Variants in RAB38 observed in about 807,000 individuals in gnomAD.
RAB38 encodes the protein ras-related protein Rab-38.
A neutral mutation model predicts 18.4 loss-of-function variants in RAB38; 15 were observed. The observed-to-expected ratio is 0.82, with a 90% CI of 0.55 to 1.26. The LOEUF (loss-of-function observed/expected upper bound fraction) is 1.26. Among genes scored for constraint, RAB38 ranks in the 50% most tolerant of loss-of-function variants. The probability of loss-of-function intolerance (pLI) is 0.00; values close to 1 mark genes in which losing one functional copy is unlikely to be tolerated. For synonymous variants in RAB38, 101 were observed against 104.4 expected (o/e 0.97, Z 0.20); for missense variants, 294 against 267.4 (o/e 1.10, Z -0.69).
intron 2 of RAB38, among the ~76,000 whole-genome samples, chr11:88,120,654 G>T (rs35773677): frequency 6.6e-6 from 1 of 152,192 alleles, no homozygotes; most frequent in Non-Finnish European, 1.5e-5. Flanking sequence ...GAGCTCCTAA[G>T]ATTGTGTCCC....
At chr11:87,879,532 T>C in the RAB38 span, 1 of 151,468 alleles carries the variant, frequency 6.6e-6, no homozygotes, top group African/African-American at 2.4e-5. Flanking sequence ...TGGACTAGGG[T>C]TGTGGAGTGG....
chr11:88,043,303 T>C, the RAB38 span, among the ~76,000 whole-genome samples: 1 of 152,048 alleles, frequency 6.6e-6, no homozygotes. Context: ...ACAGGCAAAA[T>C]AAGGTGCTAA....
the RAB38 span, among the ~76,000 whole-genome samples, chr11:87,881,904 C>T: frequency 6.6e-6 from 1 of 151,818 alleles, no homozygotes; most frequent in African/African-American, 2.4e-5. Context: ...GAGCAAAGGG[C>T]TGGTTGGTGT....
the RAB38 span, among the ~76,000 whole-genome samples, chr11:88,073,701 C>G: frequency 6.6e-6 from 1 of 151,310 alleles, no homozygotes; most frequent in African/African-American, 2.4e-5. Flanking sequence ...CTGACCCTAA[C>G]AAGACAGTGA....
At chr11:88,060,149 G>A in the RAB38 span, 72,073 of 152,036 alleles carry the variant, frequency 0.47, 18,645 homozygotes, top group South Asian at 0.63. Context: ...GGAGACATGA[G>A]ATTTATTTTC....
chr11:87,850,050 A>T, the RAB38 span, among the ~76,000 whole-genome samples: 1 of 152,126 alleles, frequency 6.6e-6, no homozygotes, highest in Non-Finnish European at 1.5e-5. Context: ...ACTTCACTAT[A>T]AGTACACATA....
the RAB38 span, among the ~76,000 whole-genome samples, chr11:88,014,326 G>A: frequency 6.6e-6 from 1 of 151,994 alleles, no homozygotes; most frequent in African/African-American, 2.4e-5. Context: ...TGATATGCCT[G>A]GTCTCAACCC....
the RAB38 span, chr11:88,050,290 G>A: frequency 2.0e-5 from 3 of 152,146 alleles, no homozygotes; most frequent in African/African-American, 4.8e-5. Flanking sequence ...CTCAAAATAG[G>A]AAGGAAGAGG....
the RAB38 span, among the ~76,000 whole-genome samples, chr11:87,952,174 G>T: frequency 6.6e-6 from 1 of 152,056 alleles, no homozygotes; most frequent in Non-Finnish European, 1.5e-5. Flanking sequence ...CAGAGGAGCT[G>T]GGGGGTAGGG....
the RAB38 span, among the ~76,000 whole-genome samples, chr11:87,856,686 G>GCTT: frequency 2.0e-5 from 3 of 151,912 alleles, no homozygotes; most frequent in Non-Finnish European, 2.9e-5. Context: ...GAGAACCACT[G>GCTT]CTTCTTCTTC....
At chr11:88,044,913 C>G in the RAB38 span, among the ~76,000 whole-genome samples, 1 of 152,170 alleles carries the variant, frequency 6.6e-6, no homozygotes, top group East Asian at 1.9e-4. Flanking sequence ...CTCCCCTCCT[C>G]ACACCCGGTC....
chr11:87,868,608 A>AGAGAGAGAGAGAGAGAGAGAGAGAAG, the RAB38 span, among the ~76,000 whole-genome samples: 39 of 103,050 alleles, frequency 3.8e-4, no homozygotes, highest in East Asian at 1.7e-3. Context: ...AGAGAGAGAG[A>AGAGAGAGAGAGAGAGAGAGAGAGAAG]GAGAGAGAGA....
the RAB38 span, among the ~76,000 whole-genome samples, chr11:87,857,266 A>G: frequency 4.6e-5 from 7 of 152,252 alleles, no homozygotes; most frequent in Non-Finnish European, 1.0e-4. Flanking sequence ...TCTATCACTG[A>G]TGGACATTTG....
chr11:87,971,125 C>G, the RAB38 span, among the ~76,000 whole-genome samples: 2 of 152,006 alleles, frequency 1.3e-5, no homozygotes, highest in African/African-American at 4.8e-5. Flanking sequence ...AGTGATGATT[C>G]CTGCCTGATT....
the RAB38 span, among the ~76,000 whole-genome samples, chr11:88,091,869 C>T: frequency 2.0e-5 from 3 of 151,942 alleles, no homozygotes; most frequent in East Asian, 5.9e-4. Context: ...AATTTATGAG[C>T]TCTTGGCAAC....
chr11:87,876,698 C>T, the RAB38 span, among the ~76,000 whole-genome samples: 1 of 151,348 alleles, frequency 6.6e-6, no homozygotes, highest in Non-Finnish European at 1.5e-5. Flanking sequence ...AAAATTTTTT[C>T]TTAGAAGTCA....
chr11:87,905,031 A>G, the RAB38 span, among the ~76,000 whole-genome samples: 1 of 151,628 alleles, frequency 6.6e-6, no homozygotes, highest in Non-Finnish European at 1.5e-5. Flanking sequence ...ATATTTTACT[A>G]GTTGATATCG....
At chr11:87,878,222 T>TATATATACACACACAC in the RAB38 span, among the ~76,000 whole-genome samples, 31 of 116,206 alleles carry the variant, frequency 2.7e-4, 4 homozygotes, top group African/African-American at 1.1e-3. Flanking sequence ...TATATATATA[T>TATATATACACACACAC]ACACACATAT....
At chr11:87,893,026 A>C in the RAB38 span, among the ~76,000 whole-genome samples, 1 of 151,768 alleles carries the variant, frequency 6.6e-6, no homozygotes. Flanking sequence ...AAGACAATAA[A>C]TATAAAACAT....
Sources: allele counts gnomAD v4.1 joint callset (sites outside exome capture counted in the v4.1 genomes callset), GRCh38; gene constraint gnomAD v4.1.1; transcripts MANE v1.5; gene names NCBI Gene and HGNC (gene_info 2026-07-23, HGNC 2026-07-21).